METTL21A: variants seen among roughly 807,000 people sequenced by gnomAD.
METTL21A encodes the protein protein N-lysine methyltransferase METTL21A.
A neutral mutation model predicts 20.9 loss-of-function variants in METTL21A; 22 were observed. The ratio of observed to expected loss-of-function variants is 1.05; its 90% CI spans 0.75 to 1.50. The LOEUF is 1.50. Ranked by LOEUF, METTL21A falls within the 40% of genes most tolerant of loss-of-function variation. The pLI is 0.00. For missense variants in METTL21A, 271 were observed against 266.8 expected, an observed-to-expected ratio of 1.02 and a Z score of -0.11; for synonymous variants, 93 against 102.0, an observed-to-expected ratio of 0.91 and a Z score of 0.53.
At chr2:207,617,256 G>A (rs1023144317) in intron 3 of METTL21A, among the ~76,000 whole-genome samples, 1 of 152,200 alleles carries the variant, frequency 6.6e-6, no homozygotes, top group African/African-American at 2.4e-5. Context: ...CAGCTCAAAA[G>A]TCTCATGTGG....
chr2:207,603,547 G>A (rs988124123), intron 3 of METTL21A: 4 of 223,856 alleles, frequency 1.8e-5, no homozygotes, highest in African/African-American at 2.2e-5. Flanking sequence ...GCTTGTGTTG[G>A]AAGGCAGCAA....
At position 207,588,895 on chromosome 2, in the gene METTL21A, G is replaced by GT. The variant is rs200995945; in HGVS notation, c.260-6736_260-6735insA. Reference sequence around the variant, plus strand: ...TTAGTTCTAGGAGCTTTGTCGGGGGGGGTGTAGATTCTTTGGGATTCTCTA... The same window carrying GT: ...TTAGTTCTAGGAGCTTTGTCGGGGGGTGGTGTAGATTCTTTGGGATTCTCTA... On this transcript the variant is annotated intron_variant, in intron 3 of 3. Coordinates refer to the METTL21A transcript ENST00000425132. Among the ~76,000 whole-genome samples the GT allele has an allele frequency of 4.2e-3, 607 of 143,776 alleles. 2 individuals are homozygous for GT. Among genetic ancestry groups the GT allele is most frequent in the South Asian group, 0.012 (52 of 4,388 alleles). 94.3% of individuals were successfully genotyped at this position (143,776 alleles called of 152,430 possible). A position where few individuals can be genotyped will look rare whatever the true frequency, so the allele number is the denominator to read the frequency against.
At chr2:207,609,772 CCTCCCTCTCCCTCTCCCTCCCCCTCCCT>C (rs1332567892), downstream of METTL21A, 3 of 5,368 alleles carry the variant, frequency 5.6e-4, 1 homozygote, top group South Asian at 0.029. Flanking sequence ...AAACCTATTC[CCTCCCTCTCCCTCTCCCTCCCCCTCCCT>C]CTCCCTCTCC....
At chr2:207,600,956 A>G (rs1447893388) in intron 3 of METTL21A, 1 of 192,624 alleles carries the variant, frequency 5.2e-6, no homozygotes, top group African/African-American at 2.4e-5. Context: ...TAATTCTATG[A>G]TCAGCCACAG....
At chr2:207,625,916 A>C (rs984372257), upstream of METTL21A, 1 of 152,268 alleles carries the variant, frequency 6.6e-6, no homozygotes, top group East Asian at 1.9e-4. Context: ...ACCCTTTTCA[A>C]CTAAAGCACA....
At chr2:207,581,962 G>A (rs942561790) in exon 4 of METTL21A, 1 of 702,186 alleles carries the variant, frequency 1.4e-6, no homozygotes, top group African/African-American at 1.8e-5. Flanking sequence ...GATAGATTGA[G>A]ATAATAGGTT....
chr2:207,621,173 T>C (rs1424703041), intron 3 of METTL21A, among the ~76,000 whole-genome samples: 7 of 152,164 alleles, frequency 4.6e-5, no homozygotes, highest in Non-Finnish European at 1.0e-4. Context: ...GAGTCAATAG[T>C]CAATAATAAA....
intron 3 of METTL21A, among the ~76,000 whole-genome samples, chr2:207,620,971 TGACA>T (rs1005777640): frequency 2.0e-5 from 3 of 152,174 alleles, no homozygotes; most frequent in African/African-American, 7.2e-5. Context: ...GCATCACTAC[TGACA>T]TTTCTACTGC....
intron 3 of METTL21A, among the ~76,000 whole-genome samples, chr2:207,603,963 A>G (rs1043085478): frequency 1.3e-5 from 2 of 152,238 alleles, no homozygotes; most frequent in African/African-American, 4.8e-5. Flanking sequence ...GATGTGTTCA[A>G]GCCTGCTATA....
At chr2:207,600,925 T>C (rs116076718) in intron 3 of METTL21A, 2,272 of 199,344 alleles carry the variant, frequency 0.011, 48 homozygotes, top group African/African-American at 0.048. Flanking sequence ...TCTAGATTTC[T>C]TTTAATATTT....
chr2:207,602,274 G>A lies in METTL21A; in HGVS notation c.259+19532C>T, dbSNP rs1575071725. The A allele has an allele frequency of 2.6e-5, 5 of 190,272 alleles. No homozygotes were observed. The East Asian group carries it at 4.1e-4, about 16-fold the overall frequency. The allele number at this position is 190,272 out of a possible 1,614,324, so 11.8% of individuals were successfully genotyped here. On this transcript the variant is annotated intron_variant, in intron 3 of 3. Coordinates refer to the METTL21A transcript ENST00000425132. ...ATATAAATAAAATAGAACAAAGCCG[G>A]TGATGCAAGTTGATATTATAAACAG...
chr2:207,603,814 G>T (rs1685011880), intron 3 of METTL21A, among the ~76,000 whole-genome samples: 1 of 152,156 alleles, frequency 6.6e-6, no homozygotes. Flanking sequence ...GAAGGAAAGG[G>T]GAGGGGATAT....
At chr2:207,613,543 ATC>A in intron 3 of METTL21A, 100 bp from the exon 4 acceptor site, 1 of 1,094,572 alleles carries the variant, frequency 9.1e-7, no homozygotes, top group Non-Finnish European at 1.3e-6. Flanking sequence ...TAAATATTGC[ATC>A]TGATATGCAT....
chr2:207,621,513 A>C (rs1325654460), intron 3 of METTL21A, among the ~76,000 whole-genome samples: 1 of 152,170 alleles, frequency 6.6e-6, no homozygotes, highest in Non-Finnish European at 1.5e-5. Flanking sequence ...TCACTTTAAG[A>C]TCGTATTATT....
intron 3 of METTL21A, among the ~76,000 whole-genome samples, chr2:207,584,726 T>A (rs900452211): frequency 2.0e-5 from 3 of 152,212 alleles, no homozygotes; most frequent in African/African-American, 7.2e-5. Flanking sequence ...TTATGTGATT[T>A]GCTATCTATA....
intron 3 of METTL21A, chr2:207,598,287 A>AT (rs559214205): frequency 1.6e-4 from 30 of 183,232 alleles, no homozygotes; most frequent in Non-Finnish European, 2.4e-4. Flanking sequence ...CTTACAAAAC[A>AT]TTTTTTTGTT....
At chr2:207,617,420 C>T (rs1010934983) in intron 3 of METTL21A, among the ~76,000 whole-genome samples, 1 of 152,140 alleles carries the variant, frequency 6.6e-6, no homozygotes, top group African/African-American at 2.4e-5. Context: ...TCTGAGCTTA[C>T]GCTTAAAAGA....
upstream of METTL21A, chr2:207,625,427 C>T (rs2091012393): frequency 2.0e-5 from 3 of 152,158 alleles, no homozygotes; most frequent in Non-Finnish European, 4.4e-5. Context: ...GGCAGGTGCC[C>T]CCGGAGCTCA....
At position 207,617,498 on chromosome 2, in the gene METTL21A, G is replaced by A. The variant is rs531785279; in HGVS notation, c.260-4055C>T. On this transcript the variant is annotated intron_variant, in intron 3 of 3. Transcript: ENST00000406927. ...AGGCAGATGGGACAGGCCAGAGCAG[G>A]ATGTGTGTCCCAGGAACTTCATGCA... Among the ~76,000 whole-genome samples the A allele has an allele frequency of 2.0e-5, 3 of 152,360 alleles. No individual in the cohort carries two copies. The East Asian group carries it at 5.8e-4, about 29-fold the overall frequency.
Sources: gnomAD v4.1 joint callset for allele counts (sites outside exome capture counted in the v4.1 genomes callset) on GRCh38, gnomAD v4.1.1 for gene constraint, MANE v1.5 for transcripts, NCBI Gene and HGNC (gene_info 2026-07-23, HGNC 2026-07-21) for gene names.